Variants in CNTNAP2 observed in about 807,000 individuals in gnomAD.
CNTNAP2 encodes the protein contactin associated protein 2.
A neutral mutation model predicts 155.2 loss-of-function variants in CNTNAP2; 98 were observed. The ratio of observed to expected loss-of-function variants is 0.63; its 90% CI spans 0.54 to 0.75. The LOEUF (loss-of-function observed/expected upper bound fraction) is 0.75, where lower values mean the gene tolerates loss of function less well. Among genes scored for constraint, CNTNAP2 ranks in the 30% least tolerant of loss-of-function variants. The pLI, the probability that CNTNAP2 is intolerant of heterozygous loss-of-function variation, is 0.00. For missense variants in CNTNAP2, 1,727 were observed against 1,688.1 expected (o/e 1.02, Z -0.40); for synonymous variants, 651 against 631.2 (o/e 1.03, Z -0.47).
At chr7:147,312,282 T>TC (rs1213713113) in intron 9 of CNTNAP2, among the ~76,000 whole-genome samples, 1 of 151,990 alleles carries the variant, frequency 6.6e-6, no homozygotes, top group African/African-American at 2.4e-5. Flanking sequence ...TTATTATACT[T>TC]CAAGTTTTAG....
chr7:146,739,186 G>A (rs1041367077), intron 1 of CNTNAP2, among the ~76,000 whole-genome samples: 1 of 151,644 alleles, frequency 6.6e-6, no homozygotes, highest in African/African-American at 2.4e-5. Context: ...TTTGGACTTA[G>A]TTTGTTTTTG....
At chr7:147,526,940 T>G (rs1397095737) in intron 11 of CNTNAP2, among the ~76,000 whole-genome samples, 3 of 151,542 alleles carry the variant, frequency 2.0e-5, no homozygotes, top group Non-Finnish European at 4.4e-5. Flanking sequence ...CACCATTAAC[T>G]ATTAGAACAG....
At position 146,740,496 on chromosome 7, in the gene CNTNAP2, A is replaced by G. The variant is rs559017011; in HGVS notation, c.98-33775A>G. 2.1e-4 allele frequency among the ~76,000 whole-genome samples: 32 copies of G among 152,228 alleles called. 1 individual carries two copies. Among genetic ancestry groups the G allele is most frequent in the Non-Finnish European group, 3.2e-4 (22 of 68,002 alleles). Reference sequence around the variant, plus strand: ...CTTAAAATATCTGTTTGGTGTTGTCATGATTCTCATTGTTCTGATCTTTGT... The same window carrying G: ...CTTAAAATATCTGTTTGGTGTTGTCGTGATTCTCATTGTTCTGATCTTTGT... On this transcript the variant is annotated intron_variant, in intron 1 of 23. Transcript: ENST00000361727.
At chr7:147,813,555 G>A (rs1563098412) in intron 13 of CNTNAP2, among the ~76,000 whole-genome samples, 3 of 152,064 alleles carry the variant, frequency 2.0e-5, no homozygotes, top group Admixed American at 1.3e-4. Flanking sequence ...ACTGTTCTTG[G>A]AGAAAGAAAA....
chr7:147,492,040 A>C (rs985792569), intron 11 of CNTNAP2, among the ~76,000 whole-genome samples: 1 of 152,218 alleles, frequency 6.6e-6, no homozygotes, highest in Non-Finnish European at 1.5e-5. Context: ...AAGTTGCAAC[A>C]AAGATAATAT....
chr7:146,639,669 A>G (rs767869408), intron 1 of CNTNAP2, among the ~76,000 whole-genome samples: 3 of 152,346 alleles, frequency 2.0e-5, no homozygotes, highest in Middle Eastern at 3.4e-3. Flanking sequence ...ATTCAGAAGT[A>G]AAAATGACAG....
chr7:148,261,806 C>T (rs574251906), intron 20 of CNTNAP2, among the ~76,000 whole-genome samples: 17 of 152,278 alleles, frequency 1.1e-4, no homozygotes, highest in Non-Finnish European at 2.1e-4. Flanking sequence ...AAAAGGCCTG[C>T]GACTCAGACA....
chr7:147,398,412 A>AG (rs888020715), intron 10 of CNTNAP2, among the ~76,000 whole-genome samples: 1 of 150,908 alleles, frequency 6.6e-6, no homozygotes, highest in Admixed American at 6.6e-5. Flanking sequence ...GGAGAAAAAA[A>AG]AAAGTATAAA....
chr7:148,028,586 C>T (rs907718555), intron 15 of CNTNAP2, among the ~76,000 whole-genome samples: 15 of 152,150 alleles, frequency 9.9e-5, no homozygotes. Flanking sequence ...AAAATATATA[C>T]ATATGTTGTA....
chr7:147,631,331 T>TAATG (rs1391965449), intron 12 of CNTNAP2, among the ~76,000 whole-genome samples: 2 of 152,068 alleles, frequency 1.3e-5, no homozygotes, highest in Non-Finnish European at 2.9e-5. Context: ...AAGAAATCAT[T>TAATG]AATGACACAA....
intron 12 of CNTNAP2, among the ~76,000 whole-genome samples, chr7:147,562,679 T>C (rs1800087929): frequency 6.6e-6 from 1 of 152,202 alleles, no homozygotes; most frequent in Non-Finnish European, 1.5e-5. Context: ...GAAGAAATCT[T>C]TCTAAGTCCT....
At chr7:148,159,466 A>T (rs1805474214) in intron 17 of CNTNAP2, among the ~76,000 whole-genome samples, 1 of 152,146 alleles carries the variant, frequency 6.6e-6, no homozygotes, top group South Asian at 2.1e-4. Flanking sequence ...TACATTGTTA[A>T]GATCTATTTG....
chr7:147,648,561 C>T (rs947566450), intron 13 of CNTNAP2, among the ~76,000 whole-genome samples: 21 of 152,104 alleles, frequency 1.4e-4, no homozygotes, highest in African/African-American at 5.1e-4. Context: ...CTGAGGAGGC[C>T]TCACAATCAT....
At chr7:147,640,402 T>C (rs924829807) in intron 13 of CNTNAP2, among the ~76,000 whole-genome samples, 3 of 152,072 alleles carry the variant, frequency 2.0e-5, no homozygotes, top group African/African-American at 7.2e-5. Context: ...TTCAGGGTGA[T>C]TGGGAGAATT....
At chr7:146,886,077 G>C (rs934379370) in intron 3 of CNTNAP2, among the ~76,000 whole-genome samples, 2 of 150,646 alleles carry the variant, frequency 1.3e-5, no homozygotes, top group African/African-American at 4.9e-5. Context: ...TGTTTCTCTG[G>C]CTGCTTTTAT....
intron 13 of CNTNAP2, among the ~76,000 whole-genome samples, chr7:147,841,229 AATG>A (rs1295443655): frequency 1.3e-5 from 2 of 152,192 alleles, no homozygotes; most frequent in East Asian, 3.9e-4. Context: ...GAGTCCACAT[AATG>A]ATAACAGAAA....
At chr7:147,425,712 G>A (rs1797367558) in intron 10 of CNTNAP2, among the ~76,000 whole-genome samples, 1 of 152,100 alleles carries the variant, frequency 6.6e-6, no homozygotes. Flanking sequence ...TATACCCAAG[G>A]AAGGGTAAAT....
At chr7:148,303,948 T>A (rs1311575223) in intron 21 of CNTNAP2, among the ~76,000 whole-genome samples, 1 of 152,184 alleles carries the variant, frequency 6.6e-6, no homozygotes, top group Non-Finnish European at 1.5e-5. Flanking sequence ...TTGAAGAAAA[T>A]TTGAGATTAC....
intron 9 of CNTNAP2, among the ~76,000 whole-genome samples, chr7:147,389,451 C>T (rs1423878235): frequency 2.6e-5 from 4 of 152,202 alleles, no homozygotes; most frequent in African/African-American, 9.7e-5. Flanking sequence ...TAACTTACAA[C>T]AATTTAGGTT....
Sources: gnomAD v4.1 joint callset for allele counts (sites outside exome capture counted in the v4.1 genomes callset) on GRCh38, gnomAD v4.1.1 for gene constraint, MANE v1.5 for transcripts, NCBI Gene and HGNC (gene_info 2026-07-23, HGNC 2026-07-21) for gene names.